The following FSTL5 variants were observed in gnomAD, a reference collection of about 807,000 sequenced individuals.
The protein encoded by FSTL5 is follistatin-related protein 5.
In FSTL5, 62 loss-of-function variants were observed where a neutral mutation model predicts 89.1. The observed-to-expected ratio is 0.70, with a 90% CI of 0.57 to 0.86. The LOEUF is 0.86. Ranked by LOEUF, FSTL5 falls within the 40% of genes least tolerant of loss-of-function variation. The pLI, the probability that FSTL5 is intolerant of heterozygous loss-of-function variation, is 0.00. For missense variants in FSTL5, 1,057 were observed against 1,001.6 expected, an observed-to-expected ratio of 1.06 and a Z score of -0.75; for synonymous variants, 383 against 346.2, an observed-to-expected ratio of 1.11 and a Z score of -1.18.
At chr4:161,635,799 T>A (rs561006708) in intron 7 of FSTL5, among the ~76,000 whole-genome samples, 93 of 152,210 alleles carry the variant, frequency 6.1e-4, no homozygotes, top group Non-Finnish European at 8.1e-4. Context: ...AGTATAAAGA[T>A]GCTTGAATAT....
At chr4:162,046,639 A>T (rs1738192591) in intron 2 of FSTL5, among the ~76,000 whole-genome samples, 1 of 152,126 alleles carries the variant, frequency 6.6e-6, no homozygotes, top group South Asian at 2.1e-4. Flanking sequence ...TAAACATGCC[A>T]ATTATTATAA....
intron 3 of FSTL5, among the ~76,000 whole-genome samples, chr4:161,940,978 G>A (rs1056189091): frequency 6.6e-6 from 1 of 151,634 alleles, no homozygotes; most frequent in Non-Finnish European, 1.5e-5. Context: ...ATATTAATGT[G>A]CATCCAATAT....
At chr4:161,591,130 T>C (rs546542041) in intron 7 of FSTL5, among the ~76,000 whole-genome samples, 3 of 152,318 alleles carry the variant, frequency 2.0e-5, no homozygotes, top group South Asian at 2.1e-4. Flanking sequence ...TACTGCAACA[T>C]GAATAAACCT....
intron 8 of FSTL5, among the ~76,000 whole-genome samples, chr4:161,583,033 A>AAT (rs1733489457): frequency 1.3e-5 from 2 of 151,942 alleles, no homozygotes. Context: ...AAAAATAAAA[A>AAT]ATAAAATAAA....
At chr4:161,974,274 G>C (rs995531891) in intron 3 of FSTL5, among the ~76,000 whole-genome samples, 2 of 152,008 alleles carry the variant, frequency 1.3e-5, no homozygotes, top group African/African-American at 4.8e-5. Flanking sequence ...AGTTCACATG[G>C]AACCAAAAAA....
chr4:161,637,980 G>GT (rs1470417263), intron 7 of FSTL5, among the ~76,000 whole-genome samples: 1 of 151,732 alleles, frequency 6.6e-6, no homozygotes, highest in Non-Finnish European at 1.5e-5. Context: ...CTTTAAAGTA[G>GT]TTTTTTCCAA....
intron 4 of FSTL5, among the ~76,000 whole-genome samples, chr4:161,853,925 C>T (rs1282213079): frequency 2.0e-5 from 3 of 152,254 alleles, no homozygotes; most frequent in South Asian, 2.1e-4. Flanking sequence ...ACTCACTTTG[C>T]TTATCAATAC....
intron 11 of FSTL5, among the ~76,000 whole-genome samples, chr4:161,509,258 G>A (rs1578886593): frequency 6.6e-6 from 1 of 152,114 alleles, no homozygotes; most frequent in African/African-American, 2.4e-5. Context: ...CGCCGAGATC[G>A]CGCCGTTGAA....
chr4:161,460,213 T>A (rs1733509283), intron 13 of FSTL5, among the ~76,000 whole-genome samples: 1 of 152,158 alleles, frequency 6.6e-6, no homozygotes, highest in African/African-American at 2.4e-5. Context: ...TTAGAGAATT[T>A]TCTTTTTTTT....
intron 15 of FSTL5, among the ~76,000 whole-genome samples, chr4:161,441,999 CTT>C (rs1242906387): frequency 3.3e-5 from 5 of 152,046 alleles, no homozygotes; most frequent in African/African-American, 4.8e-5. Flanking sequence ...AAAAGTGAAA[CTT>C]CAGCTTAACC....
At chr4:162,024,990 G>A (rs1737225682) in intron 3 of FSTL5, among the ~76,000 whole-genome samples, 1 of 151,720 alleles carries the variant, frequency 6.6e-6, no homozygotes, top group South Asian at 2.1e-4. Context: ...CGTCAAATTC[G>A]TACTCTGAGA....
intron 2 of FSTL5, among the ~76,000 whole-genome samples, chr4:162,089,090 A>G (rs978561157): frequency 2.0e-5 from 3 of 151,986 alleles, no homozygotes. Context: ...GAATAGTTGC[A>G]TATCTCTTTC....
chr4:161,916,328 C>G (rs929603873), intron 4 of FSTL5, among the ~76,000 whole-genome samples: 1 of 152,050 alleles, frequency 6.6e-6, no homozygotes, highest in South Asian at 2.1e-4. Flanking sequence ...GTTTCTTACT[C>G]CAGTTTACAT....
intron 6 of FSTL5, among the ~76,000 whole-genome samples, chr4:161,719,123 T>A (rs1261021561): frequency 1.3e-5 from 2 of 152,208 alleles, no homozygotes; most frequent in African/African-American, 2.4e-5. Context: ...TTAATTTACA[T>A]AAATGCATGA....
intron 2 of FSTL5, among the ~76,000 whole-genome samples, chr4:162,065,825 T>C (rs550827492): frequency 8.3e-4 from 126 of 152,256 alleles, no homozygotes; most frequent in Non-Finnish European, 1.4e-3. Context: ...TTGATTATGT[T>C]ATCATTATGA....
chr4:161,424,480 G>T (rs1369772076), intron 15 of FSTL5, among the ~76,000 whole-genome samples: 7 of 148,284 alleles, frequency 4.7e-5, no homozygotes, highest in Non-Finnish European at 7.4e-5. Flanking sequence ...TAGAAGACTT[G>T]CATTTTTGTT....
intron 4 of FSTL5, among the ~76,000 whole-genome samples, chr4:161,829,161 A>ATATG (rs1553969150): frequency 1.5e-3 from 223 of 146,970 alleles, no homozygotes; most frequent in Non-Finnish European, 2.8e-3. Context: ...ATATATATAT[A>ATATG]TGTACACAGA....
chr4:161,481,185 G>T lies in FSTL5; in HGVS notation c.1459-16C>A. ...AGACTTCATCCTGTAATTTAGGAAA[G>T]AGAAAATGAAATTTATACCTTAAAT... On this transcript the variant is annotated splice_polypyrimidine_tract_variant and intron_variant, in intron 12 of 15. Transcript: ENST00000306100. The T allele has an allele frequency of 6.3e-7, 1 of 1,584,344 alleles. No individual in the cohort carries two copies. Among genetic ancestry groups the T allele is most frequent in the South Asian group, 1.2e-5 (1 of 85,076 alleles).
At chr4:161,741,710 T>C (rs1191114677) in intron 6 of FSTL5, among the ~76,000 whole-genome samples, 3 of 123,508 alleles carry the variant, frequency 2.4e-5, no homozygotes, top group African/African-American at 1.1e-4. Context: ...TTTTTGGAGG[T>C]GGAGTCTCAC....
Sources: allele counts gnomAD v4.1 joint callset (sites outside exome capture counted in the v4.1 genomes callset), GRCh38; gene constraint gnomAD v4.1.1; transcripts MANE v1.5; gene names NCBI Gene and HGNC (gene_info 2026-07-23, HGNC 2026-07-21).